The following HIC2 variants were observed in gnomAD, a reference collection of about 807,000 sequenced individuals.
The protein encoded by HIC2 is hypermethylated in cancer 2 protein.
In HIC2, 2 loss-of-function variants were observed where a neutral mutation model predicts 39.5. The ratio of observed to expected loss-of-function variants is 0.05; its 90% CI spans 0.02 to 0.16. HIC2 has a LOEUF of 0.16. Among genes scored for constraint, HIC2 ranks in the 10% least tolerant of loss-of-function variants. The pLI is 1.00. For missense variants in HIC2, 713 were observed against 863.5 expected, an observed-to-expected ratio of 0.83 and a Z score of 2.18; for synonymous variants, 399 against 368.8, an observed-to-expected ratio of 1.08 and a Z score of -0.94.
At chr22:21,425,496 G>A (rs1206527648) in intron 1 of HIC2, among the ~76,000 whole-genome samples, 2 of 146,926 alleles carry the variant, frequency 1.4e-5, no homozygotes, top group African/African-American at 2.5e-5. Flanking sequence ...AGCCTCCCGA[G>A]TAACTGGGAT....
chr22:21,444,879 T>C (rs1923712258), intron 2 of HIC2, 43 bp from the exon 3 acceptor site: 1 of 1,573,782 alleles, frequency 6.4e-7, no homozygotes, highest in Non-Finnish European at 8.6e-7. Context: ...CTGGTCCGAG[T>C]GTGCCAGTCA....
intron 2 of HIC2, among the ~76,000 whole-genome samples, chr22:21,443,092 T>C (rs949973281): frequency 7.9e-5 from 12 of 152,126 alleles, no homozygotes; most frequent in Admixed American, 3.3e-4. Flanking sequence ...TTCTGGGGGC[T>C]AGGTTACTGG....
In HIC2 at chr22:21,447,129, TG is replaced by T. The variant is rs909587950; in HGVS notation, c.*388del. The T allele has an allele frequency of 4.2e-6, 1 of 237,316 alleles. No homozygotes were observed. The highest frequency in any genetic ancestry group is 2.3e-5 in the African/African-American group (1 of 43,962). 14.7% of individuals were successfully genotyped at this position (237,316 alleles called of 1,614,324 possible). ...GTGTCGGGAGCAGGCCTCACCCCGC[TG>T]GCCGTGTCTGTGTGTGTGCACGTGT... is the stretch of plus-strand genomic sequence containing the variant. On this transcript the variant is annotated 3_prime_UTR_variant, in exon 3 of 3. Transcript: ENST00000407464.
rs1353547390 is a variant in HIC2, at chr22:21,446,723, A to G, written c.1828A>G (p.Met610Val). 7 of 1,604,486 alleles carry G rather than the reference A, an allele frequency of 4.4e-6. No individual in the cohort carries two copies. Among genetic ancestry groups the G allele is most frequent in the Middle Eastern group, 1.7e-4 (1 of 6,060 alleles). ...GCGCAACCTCATCAGCCACCTGCGC[A>G]TGCACACCTCCCCCTCCTAGAAGCC... ...QQRNLISHLR[M>V]HTSPS The change falls in exon 3 of 3, where the codon ATG (methionine) becomes GTG (valine). Residue 610 changes from methionine (M) to valine (V), a missense_variant. By Grantham distance (21) the Met-to-Val change is conservative (BLOSUM62 1). Coordinates refer to ENST00000407464, the MANE Select transcript of HIC2 (RefSeq NM_015094.3).
rs762499529 is a variant in HIC2, at chr22:21,445,663, G to A, written c.768G>A (p.Leu256=). 10 of 1,605,492 alleles carry A rather than the reference G, an allele frequency of 6.2e-6. No individual in the cohort carries two copies. In the East Asian group the frequency reaches 2.2e-4, roughly 36 times the overall value. The change falls in exon 3 of 3, where the codon TTG becomes TTA. Residue 256 remains leucine, a synonymous_variant. Transcript: ENST00000407464. ...ACCTGTCCAAGAAAAGCCCACCCTT[G>A]CCCCCTGCCACCCCAGGTCCCCACC... The part of the protein sequence containing the change: ...GLDLSKKSPP[L]PPATPGPHLT...
rs926069204 is a variant in HIC2 at position 21,449,877 on chromosome 22, G to GC, written c.*3135dup. 1 of 152,760 alleles carries GC rather than the reference G, an allele frequency of 6.5e-6. No homozygotes were observed. The highest frequency in any genetic ancestry group is 1.5e-5 in the Non-Finnish European group (1 of 68,096). The allele number at this position is 152,760 out of a possible 1,614,324, so 9.5% of individuals were successfully genotyped here. On this transcript the variant is annotated 3_prime_UTR_variant, in exon 3 of 3. Coordinates refer to ENST00000407464, the MANE Select transcript of HIC2 (RefSeq NM_015094.3). ...TTCTGGCCACAGGACCCGAGTCTGG[G>GC]CTTGGGTCCCCCTGCTGCTCTGCCC...
chr22:21,445,452 A>T lies in HIC2; in HGVS notation c.557A>T (p.His186Leu). Residue 186 changes from histidine to leucine, a missense_variant, in exon 3 of 3, where the codon CAC becomes CTC. Around this residue, in one of 5 missense-constraint regions of HIC2, gnomAD observed 457 missense variants for 420.2 expected, o/e 1.09. Coordinates refer to ENST00000407464, the MANE Select transcript of HIC2 (RefSeq NM_015094.3). ...CTCGTGGATGGGCGCAAGGGGGCCC[A>T]CGCCCCCCAGGAGCTCCCCCAAGCC... ...QGLVDGRKGAHAPQELPQAKG... is the reference protein window; with the variant it reads ...QGLVDGRKGALAPQELPQAKG... The T allele has an allele frequency of 2.0e-6, 3 of 1,536,050 alleles. No individual in the cohort carries two copies. Among genetic ancestry groups the T allele is most frequent in the Non-Finnish European group, 2.6e-6 (3 of 1,147,788 alleles).
rs373951762 is a variant in HIC2, at chr22:21,444,846, G to A, written c.27-76G>A. 63 of 1,516,200 alleles carry A rather than the reference G, an allele frequency of 4.2e-5. 1 individual carries two copies. In the African/African-American group the frequency reaches 4.5e-4, roughly 11 times the overall value. 93.9% of individuals were successfully genotyped at this position (1,516,200 alleles called of 1,614,324 possible). A position where few individuals can be genotyped will look rare whatever the true frequency, so the allele number is the denominator to read the frequency against. On this transcript the variant is annotated intron_variant, in intron 2 of 2. Transcript: ENST00000407464. ...CAGTTCTGAGGCCCTTTGCCTCGTC[G>A]AGCCCCACCCTGCCCCAGAGCCCTG...
Position 21,445,447 on chromosome 22 carries a change from G to A in HIC2, c.552G>A (p.Gly184=). 1 of 1,535,154 alleles carries A rather than the reference G, an allele frequency of 6.5e-7. No individual in the cohort carries two copies. Residue 184 remains glycine (G), a synonymous_variant, in exon 3 of 3, where the codon GGG becomes GGA. Coordinates refer to ENST00000407464, the MANE Select transcript of HIC2 (RefSeq NM_015094.3). ...AGGGGCTCGTGGATGGGCGCAAGGG[G>A]GCCCACGCCCCCCAGGAGCTCCCCC... The part of the protein sequence containing the change: ...RYQGLVDGRK[G]AHAPQELPQA...
rs149083531 is a variant in HIC2 at position 21,446,758 on chromosome 22, C to A, written c.*15C>A. On this transcript the variant is annotated 3_prime_UTR_variant, in exon 3 of 3. Transcript: ENST00000407464. The stretch of plus-strand genomic sequence containing the variant: ...CCCCCTCCTAGAAGCCAAAGACCCG[C>A]GGGCGCCCTCTGCCACCTTGCTCCC... 1 of 1,583,554 alleles carries A rather than the reference C, an allele frequency of 6.3e-7. No homozygotes were observed. Among genetic ancestry groups the A allele is most frequent in the Non-Finnish European group, 8.6e-7 (1 of 1,161,544 alleles).
At chr22:21,444,026 C>T (rs1008350878) in intron 2 of HIC2, among the ~76,000 whole-genome samples, 16 of 152,124 alleles carry the variant, frequency 1.1e-4, no homozygotes, top group Non-Finnish European at 2.1e-4. Context: ...GGATGGGAAG[C>T]GTGGCGAGGA....
rs1195426621 is a variant in HIC2 at position 21,445,373 on chromosome 22, C to T, written c.478C>T (p.Pro160Ser). ...GGGGTCCACTGGCATGGGGCGGCCC[C>T]CCCGCAGCCAGCGGCTGTCCACGGC... is the stretch of plus-strand genomic sequence containing the variant. ...RAGSTGMGRP[P>S]RSQRLSTASV... is the part of the protein sequence containing the mutation. Residue 160 changes from proline to serine, a missense_variant, in exon 3 of 3, where the codon CCC becomes TCC. This residue lies in a region of HIC2 where 457 missense variants were observed against 420.2 expected (regional missense o/e 1.09). Coordinates refer to ENST00000407464, the MANE Select transcript of HIC2 (RefSeq NM_015094.3). 3 of 1,556,274 alleles carry T rather than the reference C, an allele frequency of 1.9e-6. No homozygotes were observed. Among genetic ancestry groups the T allele is most frequent in the Admixed American group, 3.8e-5 (2 of 53,148 alleles).
rs1035619573 is a variant in HIC2, at chr22:21,448,587, C to G, written c.*1844C>G. ...ATTTTAAGTTTAGACCAAAAAAATA[C>G]AGAGTCATCCCCTACCCCCACCCCT... On this transcript the variant is annotated 3_prime_UTR_variant, in exon 3 of 3. Coordinates refer to ENST00000407464, the MANE Select transcript of HIC2 (RefSeq NM_015094.3). The G allele has an allele frequency of 2.0e-5, 3 of 152,580 alleles. No homozygotes were observed. Among genetic ancestry groups the G allele is most frequent in the East Asian group, 1.9e-4 (1 of 5,320 alleles). 9.5% of individuals were successfully genotyped at this position (152,580 alleles called of 1,614,324 possible). A position where few individuals can be genotyped will look rare whatever the true frequency, so the allele number is the denominator to read the frequency against.
rs187112142 is a variant in HIC2 at position 21,450,880 on chromosome 22, A to G, written c.*4137A>G. 7.3e-4 allele frequency: 111 copies of G among 152,662 alleles called. No individual in the cohort carries two copies. In the East Asian group the frequency reaches 0.012, roughly 16 times the overall value. 9.5% of individuals were successfully genotyped at this position (152,662 alleles called of 1,614,324 possible). ...TTCAGTCACCCCACTTTAACTTTCT[A>G]CCAGGACCCCCTCCCCCTACCTCAC... On this transcript the variant is annotated 3_prime_UTR_variant, in exon 3 of 3. Coordinates refer to ENST00000407464, the MANE Select transcript of HIC2 (RefSeq NM_015094.3).
rs370174716 is a variant in HIC2, at chr22:21,445,645, C to G, written c.750C>G (p.Ser250=). Residue 250 remains serine, a synonymous_variant, in exon 3 of 3, where the codon TCC becomes TCG. Transcript: ENST00000407464. ...AGCAGGAGCTGGGCTTGGACCTGTC[C>G]AAGAAAAGCCCACCCTTGCCCCCTG... ...GCEQELGLDL[S]KKSPPLPPAT... 1 of 1,598,892 alleles carries G rather than the reference C, an allele frequency of 6.3e-7. No individual in the cohort carries two copies. The highest frequency in any genetic ancestry group is 1.1e-5 in the South Asian group (1 of 89,282).
At chr22:21,444,067 T>C (rs1923668456) in intron 2 of HIC2, among the ~76,000 whole-genome samples, 1 of 152,232 alleles carries the variant, frequency 6.6e-6, no homozygotes, top group African/African-American at 2.4e-5. Flanking sequence ...GTCTTGCTGC[T>C]GCATAAGCAG....
At chr22:21,438,533 T>C (rs1923484640) in intron 1 of HIC2, among the ~76,000 whole-genome samples, 2 of 129,584 alleles carry the variant, frequency 1.5e-5, no homozygotes. Context: ...GAGGTAACCC[T>C]GTTCCAGCCT....
At chr22:21,430,980 C>T (rs1442733309) in intron 1 of HIC2, among the ~76,000 whole-genome samples, 1 of 43,146 alleles carries the variant, frequency 2.3e-5, no homozygotes. Context: ...CGTGGGTGTC[C>T]CACTAAGCGT....
At chr22:21,443,352 T>C (rs1923623437) in intron 2 of HIC2, among the ~76,000 whole-genome samples, 1 of 151,980 alleles carries the variant, frequency 6.6e-6, no homozygotes, top group Non-Finnish European at 1.5e-5. Context: ...CTCTGGCACC[T>C]TCAGGGGCCT....
Sources: gnomAD v4.1 joint callset for allele counts (sites outside exome capture counted in the v4.1 genomes callset) on GRCh38, gnomAD v4.1.1 for gene constraint, gnomAD v4.1.1 regional missense constraint, MANE v1.5 for transcripts, NCBI Gene and HGNC (gene_info 2026-07-23, HGNC 2026-07-21) for gene names.